Variants in LTBP1 observed in about 807,000 individuals in gnomAD.
The protein encoded by LTBP1 is latent transforming growth factor beta binding protein 1.
A neutral mutation model predicts 207.6 loss-of-function variants in LTBP1; 129 were observed. That is an observed-to-expected ratio of 0.62 (90% CI 0.54 to 0.72). LTBP1 has a LOEUF of 0.72. LTBP1 is among the 30% of genes least tolerant of loss of function. The probability of loss-of-function intolerance (pLI) is 0.00; values close to 1 mark genes in which losing one functional copy is unlikely to be tolerated. For missense variants in LTBP1, 2,281 were observed against 2,217.2 expected, an observed-to-expected ratio of 1.03 and a Z score of -0.58; for synonymous variants, 963 against 833.7, an observed-to-expected ratio of 1.16 and a Z score of -2.67.
chr2:33,086,978 G>A (rs1417965559), intron 3 of LTBP1, among the ~76,000 whole-genome samples: 1 of 151,380 alleles, frequency 6.6e-6, no homozygotes, highest in Non-Finnish European at 1.5e-5. Flanking sequence ...TTCACCCAGT[G>A]TGGGCACTTG....
chr2:33,344,849 G>A (rs1160477057), intron 25 of LTBP1, among the ~76,000 whole-genome samples: 2 of 152,128 alleles, frequency 1.3e-5, no homozygotes, highest in African/African-American at 4.8e-5. Context: ...TTAAATATCA[G>A]ATGTTGAACC....
At chr2:33,218,698 T>TA (rs2090894382) in intron 8 of LTBP1, among the ~76,000 whole-genome samples, 1 of 152,168 alleles carries the variant, frequency 6.6e-6, no homozygotes, top group Non-Finnish European at 1.5e-5. Context: ...CGCCTGGCCA[T>TA]AAATAGTTTT....
At chr2:32,972,823 G>T (rs1249049272) in intron 2 of LTBP1, among the ~76,000 whole-genome samples, 1 of 152,138 alleles carries the variant, frequency 6.6e-6, no homozygotes, top group African/African-American at 2.4e-5. Context: ...TGTCATAATT[G>T]TAAGTTTCCT....
chr2:33,033,243 A>G (rs910137556), intron 3 of LTBP1, among the ~76,000 whole-genome samples: 3 of 151,622 alleles, frequency 2.0e-5, no homozygotes, highest in African/African-American at 4.8e-5. Context: ...TTTAGTAGAG[A>G]GCTATATTTT....
At chr2:32,951,019 T>A (rs1277072813) in intron 2 of LTBP1, among the ~76,000 whole-genome samples, 1 of 152,176 alleles carries the variant, frequency 6.6e-6, no homozygotes, top group East Asian at 1.9e-4. Flanking sequence ...CCCCTGGTAA[T>A]CCAGAGAGAG....
intron 2 of LTBP1, among the ~76,000 whole-genome samples, chr2:32,991,064 A>G (rs538594362): frequency 3.3e-5 from 5 of 152,322 alleles, no homozygotes; most frequent in South Asian, 2.1e-4. Flanking sequence ...TGTAATGACA[A>G]CATTATGGCT....
At chr2:32,949,710 T>A (rs1676814341) in intron 2 of LTBP1, among the ~76,000 whole-genome samples, 1 of 152,210 alleles carries the variant, frequency 6.6e-6, no homozygotes, top group African/African-American at 2.4e-5. Context: ...AGTGAAGCAT[T>A]CTTAGTTGTT....
intron 4 of LTBP1, 95 bp downstream of exon 4, chr2:33,110,846 A>G: frequency 8.7e-6 from 10 of 1,155,790 alleles, no homozygotes; most frequent in Non-Finnish European, 1.2e-5. Context: ...GTCACAGTAA[A>G]TAAAATTCAA....
At chr2:33,106,981 C>T (rs971166782) in intron 3 of LTBP1, among the ~76,000 whole-genome samples, 3 of 152,194 alleles carry the variant, frequency 2.0e-5, no homozygotes, top group East Asian at 1.9e-4. Context: ...TTAAGTATTC[C>T]GAACCTTTGT....
At chr2:33,030,529 C>A (rs527589194) in intron 3 of LTBP1, among the ~76,000 whole-genome samples, 2 of 152,162 alleles carry the variant, frequency 1.3e-5, no homozygotes, top group African/African-American at 4.8e-5. Flanking sequence ...GCTTTAACGT[C>A]TTGAAAGGTG....
intron 24 of LTBP1, among the ~76,000 whole-genome samples, chr2:33,331,782 G>A (rs375142173): frequency 1.3e-5 from 2 of 152,200 alleles, no homozygotes; most frequent in East Asian, 3.9e-4. Flanking sequence ...TGAGGAGTAT[G>A]TAAGAAAACT....
chr2:33,331,081 A>C (rs1467660507), intron 24 of LTBP1, among the ~76,000 whole-genome samples: 1 of 151,716 alleles, frequency 6.6e-6, no homozygotes, highest in Non-Finnish European at 1.5e-5. Flanking sequence ...TCTTCTCTGT[A>C]TATATGTAGT....
intron 3 of LTBP1, among the ~76,000 whole-genome samples, chr2:33,099,385 A>G (rs1254271409): frequency 6.6e-6 from 1 of 152,246 alleles, no homozygotes; most frequent in Non-Finnish European, 1.5e-5. Flanking sequence ...TGGGAAAATA[A>G]AACCCTGAGA....
chr2:33,366,152 G>A (rs2094984387), intron 31 of LTBP1, among the ~76,000 whole-genome samples: 1 of 152,186 alleles, frequency 6.6e-6, no homozygotes, highest in Admixed American at 6.5e-5. Flanking sequence ...TTCCTGGCTA[G>A]GCTGTTTGGT....
intron 3 of LTBP1, among the ~76,000 whole-genome samples, chr2:33,108,811 T>G (rs958770461): frequency 1.3e-5 from 2 of 152,210 alleles, no homozygotes; most frequent in Non-Finnish European, 2.9e-5. Flanking sequence ...AAGAGACTTG[T>G]GGTTCTTATC....
At chr2:33,361,742 T>A (rs2094929613) in intron 28 of LTBP1, among the ~76,000 whole-genome samples, 1 of 152,212 alleles carries the variant, frequency 6.6e-6, no homozygotes, top group Admixed American at 6.5e-5. Flanking sequence ...TGAGTTTCTG[T>A]CTCTTCATCC....
At chr2:33,325,464 G>A (rs1399846247) in intron 24 of LTBP1, among the ~76,000 whole-genome samples, 1 of 152,160 alleles carries the variant, frequency 6.6e-6, no homozygotes, top group Non-Finnish European at 1.5e-5. Flanking sequence ...ACCTTTTAGT[G>A]TAAGAAAAGC....
chr2:33,007,591 G>T (rs1349260691), intron 2 of LTBP1, among the ~76,000 whole-genome samples: 1 of 152,194 alleles, frequency 6.6e-6, no homozygotes, highest in Non-Finnish European at 1.5e-5. Context: ...GAGAAAGAAA[G>T]AACAAAATGG....
At chr2:32,990,269 T>C (rs1300478170) in intron 2 of LTBP1, among the ~76,000 whole-genome samples, 1 of 152,252 alleles carries the variant, frequency 6.6e-6, no homozygotes, top group Non-Finnish European at 1.5e-5. Flanking sequence ...CTGGATATCG[T>C]CATGGTCTCT....
Sources: allele counts gnomAD v4.1 joint callset (sites outside exome capture counted in the v4.1 genomes callset), GRCh38; gene constraint gnomAD v4.1.1; transcripts MANE v1.5; gene names NCBI Gene and HGNC (gene_info 2026-07-23, HGNC 2026-07-21).